The following RAB27B variants were observed in gnomAD, a reference collection of about 807,000 sequenced individuals.
The protein encoded by RAB27B is RAB27B, member RAS oncogene family.
RAB27B carries 15 observed loss-of-function variants against 24.6 expected under a neutral mutation model. The observed-to-expected ratio is 0.61, with a 90% confidence interval of 0.41 to 0.94. The LOEUF is 0.94. RAB27B is among the 40% of genes least tolerant of loss of function. The probability of loss-of-function intolerance (pLI) is 0.00; values close to 1 mark genes in which losing one functional copy is unlikely to be tolerated. For missense variants in RAB27B, 261 were observed against 266.8 expected, an observed-to-expected ratio of 0.98 and a Z score of 0.15; for synonymous variants, 105 against 92.5, an observed-to-expected ratio of 1.14 and a Z score of -0.78.
At chr18:54,846,517 AAAG>A (rs1911345100) in intron 1 of RAB27B, among the ~76,000 whole-genome samples, 1 of 152,216 alleles carries the variant, frequency 6.6e-6, no homozygotes, top group Non-Finnish European at 1.5e-5. Context: ...CAAATACGTA[AAAG>A]AAGAATAAAA....
chr18:54,725,146 A>C (rs550096860), intron 2 of RAB27B, among the ~76,000 whole-genome samples: 1 of 151,696 alleles, frequency 6.6e-6, no homozygotes, highest in South Asian at 2.1e-4. Flanking sequence ...GCACCTCTAA[A>C]GGGTGCCACT....
intron 2 of RAB27B, among the ~76,000 whole-genome samples, chr18:54,775,234 A>G (rs1187076353): frequency 6.6e-6 from 1 of 152,200 alleles, no homozygotes. Flanking sequence ...AGGCCCAGAA[A>G]CAATGTCTGG....
intron 2 of RAB27B, among the ~76,000 whole-genome samples, chr18:54,878,665 C>T (rs1202015257): frequency 6.6e-6 from 1 of 152,034 alleles, no homozygotes; most frequent in Non-Finnish European, 1.5e-5. Context: ...AGAATTTTCC[C>T]TTTAAAACGT....
At chr18:54,807,738 T>C (rs1246675146) in intron 2 of RAB27B, among the ~76,000 whole-genome samples, 1 of 103,816 alleles carries the variant, frequency 9.6e-6, no homozygotes, top group Admixed American at 1.0e-4. Flanking sequence ...TACTATGCCC[T>C]TGATCTACAC....
At chr18:54,733,649 A>ACCC (rs1909794279) in intron 2 of RAB27B, among the ~76,000 whole-genome samples, 1 of 71,270 alleles carries the variant, frequency 1.4e-5, no homozygotes, top group South Asian at 5.0e-4. Context: ...TCTGTTCTAG[A>ACCC]GCCCCCCCCC....
upstream of RAB27B, among the ~76,000 whole-genome samples, chr18:54,827,692 G>A (rs1910519599): frequency 6.6e-6 from 1 of 152,160 alleles, no homozygotes; most frequent in Admixed American, 6.5e-5. Context: ...CACAGGTTTG[G>A]AACTTTTAAA....
At chr18:54,786,812 T>G (rs1225213202) in intron 2 of RAB27B, among the ~76,000 whole-genome samples, 3 of 152,164 alleles carry the variant, frequency 2.0e-5, no homozygotes, top group Non-Finnish European at 4.4e-5. Context: ...CTGAAAGAGG[T>G]GTGTTGACAA....
At chr18:54,878,906 T>C (rs192057843) in intron 2 of RAB27B, among the ~76,000 whole-genome samples, 95 of 152,266 alleles carry the variant, frequency 6.2e-4, no homozygotes, top group Middle Eastern at 3.4e-3. Context: ...GTAAAAGATA[T>C]TCGGATATTT....
chr18:54,888,819 C>A (rs985451150), intron 5 of RAB27B, among the ~76,000 whole-genome samples: 1 of 152,088 alleles, frequency 6.6e-6, no homozygotes, highest in Non-Finnish European at 1.5e-5. Context: ...ACACAAATAT[C>A]CTTATTCAAT....
intron 2 of RAB27B, among the ~76,000 whole-genome samples, chr18:54,736,424 G>A (rs1199343554): frequency 6.6e-6 from 1 of 151,872 alleles, no homozygotes; most frequent in Non-Finnish European, 1.5e-5. Context: ...CAAAATGAAA[G>A]TCTTATTTCC....
At chr18:54,764,615 T>G (rs1908300836) in intron 2 of RAB27B, among the ~76,000 whole-genome samples, 1 of 152,150 alleles carries the variant, frequency 6.6e-6, no homozygotes, top group South Asian at 2.1e-4. Flanking sequence ...TTGTCATTAT[T>G]TCCCAACACA....
intron 2 of RAB27B, among the ~76,000 whole-genome samples, chr18:54,798,223 G>T (rs1017582953): frequency 6.6e-6 from 1 of 152,134 alleles, no homozygotes; most frequent in Non-Finnish European, 1.5e-5. Context: ...GCCATCCACC[G>T]TAGTGGGACT....
intron 1 of RAB27B, among the ~76,000 whole-genome samples, chr18:54,828,925 G>T (rs547971877): frequency 4.4e-4 from 67 of 152,316 alleles, no homozygotes; most frequent in Admixed American, 1.8e-3. Flanking sequence ...GGCTCTCCTT[G>T]AGTGTTTGCT....
chr18:54,804,334 A>T (rs1909700249), intron 2 of RAB27B, among the ~76,000 whole-genome samples: 1 of 152,140 alleles, frequency 6.6e-6, no homozygotes, highest in Non-Finnish European at 1.5e-5. Context: ...TAATTGAATC[A>T]TGGGGACCAA....
chr18:54,833,234 C>CTTTTTTTTTTTTTTTTTTTTTTTTTTT (rs559070445), intron 1 of RAB27B, among the ~76,000 whole-genome samples: 5 of 129,520 alleles, frequency 3.9e-5, no homozygotes, highest in Non-Finnish European at 6.4e-5. Flanking sequence ...TTCTTTCTTT[C>CTTTTTTTTTTTTTTTTTTTTTTTTTTT]TTTTTTTTTT....
At chr18:54,816,149 T>G (rs1239235362) in intron 2 of RAB27B, among the ~76,000 whole-genome samples, 1 of 152,198 alleles carries the variant, frequency 6.6e-6, no homozygotes, top group African/African-American at 2.4e-5. Flanking sequence ...TACTGTGAAA[T>G]GTAGAGTTGG....
chr18:54,808,270 C>G (rs1340822323), intron 2 of RAB27B, among the ~76,000 whole-genome samples: 3 of 152,152 alleles, frequency 2.0e-5, no homozygotes, highest in African/African-American at 2.4e-5. Flanking sequence ...GGCAGCAGTC[C>G]CCACAGGTTG....
intron 1 of RAB27B, among the ~76,000 whole-genome samples, chr18:54,853,502 C>T (rs926593329): frequency 3.9e-5 from 6 of 151,966 alleles, no homozygotes; most frequent in African/African-American, 1.2e-4. Flanking sequence ...GGGTCTTGGC[C>T]CAGAATTCAA....
intron 2 of RAB27B, among the ~76,000 whole-genome samples, chr18:54,815,118 A>G (rs999476074): frequency 6.6e-6 from 1 of 152,194 alleles, no homozygotes; most frequent in Non-Finnish European, 1.5e-5. Context: ...ACATAAAAAG[A>G]GTAAGATCAT....
Sources: allele counts gnomAD v4.1 joint callset (sites outside exome capture counted in the v4.1 genomes callset), GRCh38; gene constraint gnomAD v4.1.1; transcripts MANE v1.5; gene names NCBI Gene and HGNC (gene_info 2026-07-23, HGNC 2026-07-21).